The following TUBB2A variants were observed in gnomAD, a reference collection of about 807,000 sequenced individuals.
The protein encoded by TUBB2A is tubulin beta-2A chain.
In TUBB2A, 7 loss-of-function variants were observed where a neutral mutation model predicts 33.9. The observed-to-expected ratio is 0.21, with a 90% CI of 0.12 to 0.39. The LOEUF is 0.39. Among genes scored for constraint, TUBB2A ranks in the 10% least tolerant of loss-of-function variants. The probability of loss-of-function intolerance (pLI) is 1.00; values close to 1 mark genes in which losing one functional copy is unlikely to be tolerated. For synonymous variants in TUBB2A, 187 were observed against 247.6 expected (o/e 0.76, Z 2.30); for missense variants, 80 against 593.4 (o/e 0.13, Z 8.99).
At position 3,153,721 on chromosome 6, in the gene TUBB2A, T is replaced by C; in HGVS notation, c.*142A>G. On this transcript the variant is annotated 3_prime_UTR_variant, in exon 4 of 4. Transcript: ENST00000333628. ...ATACCTTCACAGACAATACTGTAAT[T>C]TTTAGAGGAGTTCCACATCATTACA... 7.6e-7 allele frequency: 1 copy of C among 1,317,120 alleles called. No homozygotes were observed. The highest frequency in any genetic ancestry group is 2.4e-5 in the Admixed American group (1 of 42,260). 81.6% of individuals were successfully genotyped at this position (1,317,120 alleles called of 1,614,324 possible).
chr6:3,156,171 C>G lies in TUBB2A; in HGVS notation c.58-19G>C. ...CCCAAAACTGAAATGAAAAAAGAAC[C>G]ACACCATGGCTCTGCATCCTGAATG... is the stretch of plus-strand genomic sequence containing the variant. On this transcript the variant is annotated intron_variant, in intron 1 of 3. Transcript: ENST00000333628. The G allele has an allele frequency of 6.2e-7, 1 of 1,613,606 alleles. No homozygotes were observed. The highest frequency in any genetic ancestry group is 8.5e-7 in the Non-Finnish European group (1 of 1,179,558).
chr6:3,157,543 C>G lies in TUBB2A; in HGVS notation c.-80G>C, dbSNP rs1185919498. The G allele has an allele frequency of 1.5e-5, 20 of 1,372,614 alleles. No individual in the cohort carries two copies. The highest frequency in any genetic ancestry group is 8.4e-6 in the Non-Finnish European group (9 of 1,067,572). 85.0% of individuals were successfully genotyped at this position (1,372,614 alleles called of 1,614,324 possible). ...CCGGCGGGCTGGGCTGCGCAGAGAC[C>G]TGCCGCCGCCCCCCCAGCTCGGTCT... On this transcript the variant is annotated 5_prime_UTR_variant, in exon 1 of 4. Transcript: ENST00000333628.
Position 3,155,965 on chromosome 6 carries a change from A to G in TUBB2A, c.166+79T>C, listed in dbSNP as rs779443576. The G allele has an allele frequency of 1.4e-6, 2 of 1,439,190 alleles. No homozygotes were observed. The highest frequency in any genetic ancestry group is 1.9e-6 in the Non-Finnish European group (2 of 1,060,850). The allele number at this position is 1,439,190 out of a possible 1,614,324, so 89.2% of individuals were successfully genotyped here. A position where few individuals can be genotyped will look rare whatever the true frequency, so the allele number is the denominator to read the frequency against. On this transcript the variant is annotated intron_variant, in intron 2 of 3. Transcript: ENST00000333628. The surrounding 1 kb of genome is among the most constrained non-coding windows in gnomAD (Gnocchi z 4.2). ...AATATGCAAGAAGCATGCCTTTGTC[A>G]CGTGCATGTTCCTGGGACGTTTCAT...
chr6:3,155,031 T>C lies in TUBB2A; in HGVS notation c.278-108A>G. On this transcript the variant is annotated intron_variant, in intron 3 of 3. Transcript: ENST00000333628. This position sits in a 1 kb window ranked among gnomAD's most constrained non-coding sequence, Gnocchi z 4.2. ...GACTGGTCTTAGACTGGCAGATTCT[T>C]CTCTTTTGAATACTCTTCTTTTACC... 6.5e-7 allele frequency: 1 copy of C among 1,548,288 alleles called. No individual in the cohort carries two copies. The highest frequency in any genetic ancestry group is 2.0e-5 in the Admixed American group (1 of 51,186).
chr6:3,156,384 G>A (rs1298719738), intron 1 of TUBB2A, among the ~76,000 whole-genome samples: 1 of 152,312 alleles, frequency 6.6e-6, no homozygotes, highest in African/African-American at 2.4e-5. Context: ...AGGCTGGGAG[G>A]GGCCCTGGAG....
Position 3,154,285 on chromosome 6 carries a change from G to A in TUBB2A, c.916C>T (p.Arg306Cys). 2 of 834,118 alleles carry A rather than the reference G, an allele frequency of 2.4e-6. No individual in the cohort carries two copies. The highest frequency in any genetic ancestry group is 3.5e-6 in the Non-Finnish European group (2 of 569,166). The allele number at this position is 834,118 out of a possible 1,614,324, so 51.7% of individuals were successfully genotyped here. The part of the protein sequence containing the change: ...SKNMMAACDP[R>C]HGRYLTVAAI... ...GCCACCGTCAGGTAGCGGCCGTGGC[G>A]CGGGTCGCAGGCGGCCATCATGTTC... The change falls in exon 4 of 4, where the codon CGC (arginine) becomes TGC (cysteine). Residue 306 changes from arginine (R) to cysteine (C), a missense_variant. Arg to Cys is a radical substitution (Grantham distance 180). Around this residue, in one of 5 missense-constraint regions of TUBB2A, gnomAD observed 25 missense variants for 350.5 expected, o/e 0.07. Coordinates refer to ENST00000333628, the MANE Select transcript of TUBB2A (RefSeq NM_001069.3).
Position 3,155,943 on chromosome 6 carries a change from A to G in TUBB2A, c.166+101T>C. 3 of 1,477,192 alleles carry G rather than the reference A, an allele frequency of 2.0e-6. No individual in the cohort carries two copies. Among genetic ancestry groups the G allele is most frequent in the South Asian group, 1.3e-5 (1 of 74,494 alleles). 91.5% of individuals were successfully genotyped at this position (1,477,192 alleles called of 1,614,324 possible). A position where few individuals can be genotyped will look rare whatever the true frequency, so the allele number is the denominator to read the frequency against. ...CCAGCAGTTGGCATTTGAAATGAAT[A>G]TGCAAGAAGCATGCCTTTGTCACGT... On this transcript the variant is annotated intron_variant, in intron 2 of 3. Coordinates refer to ENST00000333628, the MANE Select transcript of TUBB2A (RefSeq NM_001069.3). The surrounding 1 kb of genome is among the most constrained non-coding windows in gnomAD (Gnocchi z 4.2).
At position 3,155,669 on chromosome 6, in the gene TUBB2A, G is replaced by C; in HGVS notation, c.233C>G (p.Ser78Cys). Residue 78 changes from serine to cysteine, a missense_variant, in exon 3 of 4, where the codon TCT becomes TGT. Physicochemically the swap from Ser to Cys is moderately radical, Grantham distance 112. This residue lies in a region of TUBB2A where 27 missense variants were observed against 165.8 expected (regional missense o/e 0.16). Transcript: ENST00000333628. This position sits in a 1 kb window ranked among gnomAD's most constrained non-coding sequence, Gnocchi z 4.2. The stretch of plus-strand genomic sequence containing the variant: ...TCTGAAGATCTGGCCGAAGGGTCCA[G>C]ACCTGACAGAGTCCATGGTGCCAGG... Reference protein sequence around the residue: ...LEPGTMDSVRSGPFGQIFRPD... With the variant: ...LEPGTMDSVRCGPFGQIFRPD... 1 of 1,614,122 alleles carries C rather than the reference G, an allele frequency of 6.2e-7. No homozygotes were observed. Among genetic ancestry groups the C allele is most frequent in the Non-Finnish European group, 8.5e-7 (1 of 1,179,994 alleles).
At position 3,155,862 on chromosome 6, in the gene TUBB2A, T is replaced by A; in HGVS notation, c.167-127A>T. On this transcript the variant is annotated intron_variant, in intron 2 of 3. Transcript: ENST00000333628. This position sits in a 1 kb window ranked among gnomAD's most constrained non-coding sequence, Gnocchi z 4.2. The stretch of plus-strand genomic sequence containing the variant: ...CTTTTAAGAAAAAGGAGGTCCTGAG[T>A]GTGCTTAGCCGTGGCAAACAGGCAG... 1.5e-6 allele frequency: 2 copies of A among 1,345,176 alleles called. No homozygotes were observed. The highest frequency in any genetic ancestry group is 5.0e-5 in the Admixed American group (2 of 39,998). 83.3% of individuals were successfully genotyped at this position (1,345,176 alleles called of 1,614,324 possible).
chr6:3,155,145 G>T lies in TUBB2A; in HGVS notation c.278-222C>A. 1 of 1,262,826 alleles carries T rather than the reference G, an allele frequency of 7.9e-7. No individual in the cohort carries two copies. The highest frequency in any genetic ancestry group is 1.1e-6 in the Non-Finnish European group (1 of 938,384). 78.2% of individuals were successfully genotyped at this position (1,262,826 alleles called of 1,614,324 possible). On this transcript the variant is annotated intron_variant, in intron 3 of 3. Coordinates refer to ENST00000333628, the MANE Select transcript of TUBB2A (RefSeq NM_001069.3). The surrounding 1 kb of genome is among the most constrained non-coding windows in gnomAD (Gnocchi z 4.2). ...TAAGTTTAGCTCATCTGAGGCTATT[G>T]ATTGAGGAAGAGGATAGGGTTAGAA...
chr6:3,155,568 G>A lies in TUBB2A; in HGVS notation c.277+57C>T. The A allele has an allele frequency of 7.3e-7, 1 of 1,368,968 alleles. No individual in the cohort carries two copies. Among genetic ancestry groups the A allele is most frequent in the Non-Finnish European group, 1.0e-6 (1 of 971,898 alleles). The allele number at this position is 1,368,968 out of a possible 1,614,324, so 84.8% of individuals were successfully genotyped here. On this transcript the variant is annotated intron_variant, in intron 3 of 3. Transcript: ENST00000333628. The surrounding 1 kb of genome is among the most constrained non-coding windows in gnomAD (Gnocchi z 4.2). ...GAACACTAAGAACTGTGCTTTGCAGGGCTGTTAGGAAGAAGGTGTGTCATT... is the reference window on the plus strand; with the variant it reads ...GAACACTAAGAACTGTGCTTTGCAGAGCTGTTAGGAAGAAGGTGTGTCATT...
In TUBB2A at chr6:3,157,544, T is replaced by G. The variant is rs1484834826; in HGVS notation, c.-81A>C. 21 of 1,368,604 alleles carry G rather than the reference T, an allele frequency of 1.5e-5. No individual in the cohort carries two copies. Among genetic ancestry groups the G allele is most frequent in the Non-Finnish European group, 7.5e-6 (8 of 1,064,172 alleles). 84.8% of individuals were successfully genotyped at this position (1,368,604 alleles called of 1,614,324 possible). A position where few individuals can be genotyped will look rare whatever the true frequency, so the allele number is the denominator to read the frequency against. ...CGGCGGGCTGGGCTGCGCAGAGACC[T>G]GCCGCCGCCCCCCCAGCTCGGTCTT... On this transcript the variant is annotated 5_prime_UTR_variant, in exon 1 of 4. Coordinates refer to ENST00000333628, the MANE Select transcript of TUBB2A (RefSeq NM_001069.3).
In TUBB2A at chr6:3,154,244, G is replaced by A. The variant is rs1472165164; in HGVS notation, c.957C>T (p.Gly319=). ...RYLTVAAIFR[G]RMSMKEVDEQ... The stretch of plus-strand genomic sequence containing the variant: ...CGTCCACCTCCTTCATGGACATGCG[G>A]CCCCGGAAGATGGCAGCCACCGTCA... Residue 319 remains glycine, a synonymous_variant, in exon 4 of 4, where the codon GGC becomes GGT. Coordinates refer to ENST00000333628, the MANE Select transcript of TUBB2A (RefSeq NM_001069.3). 19 of 730,054 alleles carry A rather than the reference G, an allele frequency of 2.6e-5. No individual in the cohort carries two copies. In the African/African-American group the frequency reaches 5.5e-4, roughly 21 times the overall value. 45.2% of individuals were successfully genotyped at this position (730,054 alleles called of 1,614,324 possible). A position where few individuals can be genotyped will look rare whatever the true frequency, so the allele number is the denominator to read the frequency against.
Position 3,153,832 on chromosome 6 carries a change from A to C in TUBB2A, c.*31T>G. 1.2e-6 allele frequency: 2 copies of C among 1,612,726 alleles called. No homozygotes were observed. Among genetic ancestry groups the C allele is most frequent in the Non-Finnish European group, 1.7e-6 (2 of 1,178,756 alleles). On this transcript the variant is annotated 3_prime_UTR_variant, in exon 4 of 4. Transcript: ENST00000333628. ...CCATGCTTGAGGACAACAGAAGTTCACTAAGGATGCACGATTGATCTGAGA... is the reference window on the plus strand; with the variant it reads ...CCATGCTTGAGGACAACAGAAGTTCCCTAAGGATGCACGATTGATCTGAGA...
Position 3,157,535 on chromosome 6 carries a change from G to A in TUBB2A, c.-72C>T. 2.9e-6 allele frequency: 4 copies of A among 1,385,336 alleles called. No individual in the cohort carries two copies. The highest frequency in any genetic ancestry group is 3.7e-6 in the Non-Finnish European group (4 of 1,074,324). The allele number at this position is 1,385,336 out of a possible 1,614,324, so 85.8% of individuals were successfully genotyped here. ...GGCGTGGACCGGCGGGCTGGGCTGCGCAGAGACCTGCCGCCGCCCCCCCAG... is the reference window on the plus strand; with the variant it reads ...GGCGTGGACCGGCGGGCTGGGCTGCACAGAGACCTGCCGCCGCCCCCCCAG... On this transcript the variant is annotated 5_prime_UTR_variant, in exon 1 of 4. Coordinates refer to ENST00000333628, the MANE Select transcript of TUBB2A (RefSeq NM_001069.3).
chr6:3,153,736 ACAT>A lies in TUBB2A; in HGVS notation c.*124_*126del. ...ATACTGTAATTTTTAGAGGAGTTCC[ACAT>A]CATTACATCAACAGTGTGAATTTCT... On this transcript the variant is annotated 3_prime_UTR_variant, in exon 4 of 4. Coordinates refer to ENST00000333628, the MANE Select transcript of TUBB2A (RefSeq NM_001069.3). 7.1e-7 allele frequency: 1 copy of A among 1,402,696 alleles called. No individual in the cohort carries two copies. The highest frequency in any genetic ancestry group is 9.7e-7 in the Non-Finnish European group (1 of 1,029,570). The allele number at this position is 1,402,696 out of a possible 1,614,324, so 86.9% of individuals were successfully genotyped here.
In TUBB2A at chr6:3,155,860, AGT is replaced by A; in HGVS notation, c.167-127_167-126del. ...TGCTTTTAAGAAAAAGGAGGTCCTG[AGT>A]GTGCTTAGCCGTGGCAAACAGGCAG... On this transcript the variant is annotated intron_variant, in intron 2 of 3. Transcript: ENST00000333628. This position sits in a 1 kb window ranked among gnomAD's most constrained non-coding sequence, Gnocchi z 4.2. 1 of 1,339,910 alleles carries A rather than the reference AGT, an allele frequency of 7.5e-7. No individual in the cohort carries two copies. The highest frequency in any genetic ancestry group is 2.4e-5 in the East Asian group (1 of 41,176). The allele number at this position is 1,339,910 out of a possible 1,614,324, so 83.0% of individuals were successfully genotyped here.
Position 3,155,078 on chromosome 6 carries a change from C to T in TUBB2A, c.278-155G>A. 1.3e-6 allele frequency: 2 copies of T among 1,486,620 alleles called. No individual in the cohort carries two copies. Among genetic ancestry groups the T allele is most frequent in the East Asian group, 2.5e-5 (1 of 40,332 alleles). 92.1% of individuals were successfully genotyped at this position (1,486,620 alleles called of 1,614,324 possible). ...TACCTGAAGAAATATTTTTCTATGTCAGTGACCTCAAAAACACTGGGGATC... is the reference window on the plus strand; with the variant it reads ...TACCTGAAGAAATATTTTTCTATGTTAGTGACCTCAAAAACACTGGGGATC... On this transcript the variant is annotated intron_variant, in intron 3 of 3. Coordinates refer to ENST00000333628, the MANE Select transcript of TUBB2A (RefSeq NM_001069.3). This position sits in a 1 kb window ranked among gnomAD's most constrained non-coding sequence, Gnocchi z 4.2.
chr6:3,155,929 C>G lies in TUBB2A; in HGVS notation c.166+115G>C. 1 of 1,492,766 alleles carries G rather than the reference C, an allele frequency of 6.7e-7. No homozygotes were observed. Among genetic ancestry groups the G allele is most frequent in the Non-Finnish European group, 9.0e-7 (1 of 1,110,184 alleles). 92.5% of individuals were successfully genotyped at this position (1,492,766 alleles called of 1,614,324 possible). ...TAAAACATGTTTTTCCAGCAGTTGG[C>G]ATTTGAAATGAATATGCAAGAAGCA... On this transcript the variant is annotated intron_variant, in intron 2 of 3. Transcript: ENST00000333628. This position sits in a 1 kb window ranked among gnomAD's most constrained non-coding sequence, Gnocchi z 4.2.
Sources: gnomAD v4.1 joint callset for allele counts (sites outside exome capture counted in the v4.1 genomes callset) on GRCh38, gnomAD v4.1.1 for gene constraint, gnomAD v4.1.1 regional missense constraint, Gnocchi (gnomAD v3.1) non-coding constraint, MANE v1.5 for transcripts, NCBI Gene and HGNC (gene_info 2026-07-23, HGNC 2026-07-21) for gene names.